The following LPP variants were observed in gnomAD, a reference collection of about 807,000 sequenced individuals.
LPP encodes the protein lipoma-preferred partner.
In LPP, 38 loss-of-function variants were observed where a neutral mutation model predicts 60.4. The ratio of observed to expected loss-of-function variants is 0.63; its 90% confidence interval spans 0.49 to 0.83. LPP has a LOEUF of 0.83. LPP is among the 40% of genes least tolerant of loss of function. The pLI, the probability that LPP is intolerant of heterozygous loss-of-function variation, is 0.00. For missense variants in LPP, 902 were observed against 783.6 expected, an observed-to-expected ratio of 1.15 and a Z score of -1.80; for synonymous variants, 328 against 290.8, an observed-to-expected ratio of 1.13 and a Z score of -1.30.
chr3:188,672,884 G>A (rs556366117), intron 7 of LPP, among the ~76,000 whole-genome samples: 5 of 151,906 alleles, frequency 3.3e-5, no homozygotes, highest in South Asian at 2.1e-4. Flanking sequence ...TATAATATAC[G>A]AATCACTTTA....
intron 1 of LPP, among the ~76,000 whole-genome samples, chr3:188,191,404 C>A (rs1227750393): frequency 6.6e-6 from 1 of 152,168 alleles, no homozygotes; most frequent in Admixed American, 6.5e-5. Flanking sequence ...GAATGAAGAC[C>A]TCCTTTGCCA....
intron 5 of LPP, among the ~76,000 whole-genome samples, chr3:188,497,887 G>T (rs1810702692): frequency 6.6e-6 from 1 of 152,058 alleles, no homozygotes; most frequent in African/African-American, 2.4e-5. Flanking sequence ...CCAGTTTTGG[G>T]CCACGGCAAC....
At chr3:188,636,437 G>T (rs1324853943) in intron 7 of LPP, among the ~76,000 whole-genome samples, 1 of 152,184 alleles carries the variant, frequency 6.6e-6, no homozygotes, top group Non-Finnish European at 1.5e-5. Flanking sequence ...TCCTAGCACA[G>T]CAGTCTGAGA....
intron 7 of LPP, among the ~76,000 whole-genome samples, chr3:188,678,266 G>A (rs767045388): frequency 7.9e-5 from 12 of 152,202 alleles, no homozygotes; most frequent in Non-Finnish European, 1.6e-4. Flanking sequence ...TGAAATGTTA[G>A]CATAACAAAC....
rs1241909011 is a variant in LPP, at chr3:188,406,291, A to G, written c.171A>G (p.Pro57=). Residue 57 remains proline, a synonymous_variant, in exon 4 of 12, where the codon CCA becomes CCG. Coordinates refer to ENST00000617246, the MANE Select transcript of LPP (RefSeq NM_001375462.1). The stretch of plus-strand genomic sequence containing the variant: ...TTGCTCCAAAACCTAAGTACAACCC[A>G]TACAAACAACCTGGAGGTGAGGGTA... ...PVVAPKPKYN[P]YKQPGGEGDF... The G allele has an allele frequency of 3.1e-6, 5 of 1,613,930 alleles. No individual in the cohort carries two copies. The highest frequency in any genetic ancestry group is 4.2e-6 in the Non-Finnish European group (5 of 1,179,966).
intron 9 of LPP, among the ~76,000 whole-genome samples, chr3:188,810,334 A>G (rs1012342270): frequency 1.3e-5 from 2 of 152,128 alleles, no homozygotes; most frequent in South Asian, 2.1e-4. Context: ...AGGTTACAGT[A>G]GTTTCCCCAA....
chr3:188,734,262 T>C (rs1458975538), intron 8 of LPP, among the ~76,000 whole-genome samples: 3 of 152,220 alleles, frequency 2.0e-5, no homozygotes, highest in Non-Finnish European at 2.9e-5. Flanking sequence ...TTCTTCCACA[T>C]AAGAATTATT....
At chr3:188,211,787 G>C (rs1480792836) in intron 1 of LPP, among the ~76,000 whole-genome samples, 1 of 151,846 alleles carries the variant, frequency 6.6e-6, no homozygotes, top group African/African-American at 2.4e-5. Context: ...CCCAGACCAA[G>C]AGACTCTGGG....
rs374563246 is a variant in LPP, at chr3:188,803,045, C to CTTTTT, written c.1410+42776_1410+42780dup. ...GATTAAAATACTTTTGTTGTATATG[C>CTTTTT]TTTTTTTTTTTTTTTTTGAGACAGG... On this transcript the variant is annotated intron_variant, in intron 9 of 11. Transcript: ENST00000617246. 1.6e-3 allele frequency among the ~76,000 whole-genome samples: 210 copies of CTTTTT among 130,440 alleles called. 5 individuals carry two copies. Among genetic ancestry groups the CTTTTT allele is most frequent in the Non-Finnish European group, 2.2e-3 (140 of 62,728 alleles). The allele number at this position is 130,440 out of a possible 152,430, so 85.6% of individuals were successfully genotyped here.
intron 2 of LPP, among the ~76,000 whole-genome samples, chr3:188,270,560 C>G (rs1388236547): frequency 1.3e-5 from 2 of 152,188 alleles, no homozygotes; most frequent in Non-Finnish European, 2.9e-5. Flanking sequence ...GGCCTGAGTT[C>G]TGTGACCCAG....
At chr3:188,299,190 T>C (rs1291091819) in intron 2 of LPP, among the ~76,000 whole-genome samples, 2 of 152,204 alleles carry the variant, frequency 1.3e-5, no homozygotes, top group African/African-American at 4.8e-5. Flanking sequence ...CTGGGCTTTT[T>C]TGTGTGTGCT....
intron 4 of LPP, among the ~76,000 whole-genome samples, chr3:188,407,266 G>T (rs192917058): frequency 5.3e-5 from 8 of 152,248 alleles, no homozygotes; most frequent in African/African-American, 1.9e-4. Flanking sequence ...TGTCAATATT[G>T]CACGCAAGTG....
chr3:188,213,168 A>G (rs551041041), intron 1 of LPP: 1 of 152,292 alleles, frequency 6.6e-6, no homozygotes, highest in East Asian at 1.9e-4. Context: ...ATGTCTGTGG[A>G]CATGTAGGGA....
rs1213273410 is a variant in LPP, at chr3:188,509,611, A to AT, written c.307-15045dup. Among the ~76,000 whole-genome samples, 61 of 146,790 alleles carry AT rather than the reference A, an allele frequency of 4.2e-4. 1 individual carries two copies. Among genetic ancestry groups the AT allele is most frequent in the African/African-American group, 1.2e-3 (48 of 39,848 alleles). ...TTGGAAGTGAGTAATTCAACTTTTC[A>AT]TTTTTTTTTGTCCCCTTCCTTCCTT... On this transcript the variant is annotated intron_variant, in intron 5 of 11. Transcript: ENST00000617246.
rs557141312 is a variant in LPP at position 188,375,139 on chromosome 3, G to A, written c.-9-30973G>A. On this transcript the variant is annotated intron_variant, in intron 3 of 11. Coordinates refer to ENST00000617246, the MANE Select transcript of LPP (RefSeq NM_001375462.1). ...TTTTATTGAGGATTTTTGCATCAAT[G>A]TTCATCAAGGATATTGGTCTAAAAT... is the stretch of plus-strand genomic sequence containing the variant. Among the ~76,000 whole-genome samples, 1,013 of 152,234 alleles carry A rather than the reference G, an allele frequency of 6.7e-3. 14 individuals carry two copies. The highest frequency in any genetic ancestry group is 0.024 in the African/African-American group (978 of 41,528).
chr3:188,381,360 T>A (rs1214135586), intron 3 of LPP, among the ~76,000 whole-genome samples: 3 of 152,222 alleles, frequency 2.0e-5, no homozygotes, highest in Non-Finnish European at 2.9e-5. Flanking sequence ...TTTTCCTTTC[T>A]TTCTTCAGCA....
At chr3:188,623,245 G>A (rs760904931) in intron 7 of LPP, among the ~76,000 whole-genome samples, 1 of 145,504 alleles carries the variant, frequency 6.9e-6, no homozygotes, top group Non-Finnish European at 1.5e-5. Flanking sequence ...GCCTCAAAAA[G>A]TCTATGAAGA....
chr3:188,259,418 G>A (rs919583267), intron 2 of LPP, among the ~76,000 whole-genome samples: 4 of 152,140 alleles, frequency 2.6e-5, no homozygotes, highest in African/African-American at 9.7e-5. Flanking sequence ...GGATCTGCCC[G>A]ATCCTGCTGA....
rs150626833 is a variant in LPP, at chr3:188,250,609, T to C, written c.-67+25082T>C. Among the ~76,000 whole-genome samples, 7 of 152,302 alleles carry C rather than the reference T, an allele frequency of 4.6e-5. No homozygotes were observed. The East Asian group carries it at 1.4e-3, about 29-fold the overall frequency. On this transcript the variant is annotated intron_variant, in intron 2 of 11. Coordinates refer to ENST00000617246, the MANE Select transcript of LPP (RefSeq NM_001375462.1). ...CAAAATTAGGATTCCATGTTACTAC[T>C]CTCTTCACATTCATCATTCAGCATC...
Sources: gnomAD v4.1 joint callset for allele counts (sites outside exome capture counted in the v4.1 genomes callset) on GRCh38, gnomAD v4.1.1 for gene constraint, MANE v1.5 for transcripts, NCBI Gene and HGNC (gene_info 2026-07-23, HGNC 2026-07-21) for gene names.